The following MDN1 variants were observed in gnomAD, a reference collection of about 807,000 sequenced individuals.
MDN1 encodes midasin AAA ATPase 1, also known as midasin.
In MDN1, 266 loss-of-function variants were observed where a neutral mutation model predicts 669.2. The observed-to-expected ratio is 0.40, with a 90% CI of 0.36 to 0.44. MDN1 has a LOEUF of 0.44. Ranked by LOEUF, MDN1 falls within the 20% of genes least tolerant of loss-of-function variation. The pLI is 1.00. For missense variants in MDN1, 5,940 were observed against 6,754.0 expected, an observed-to-expected ratio of 0.88 and a Z score of 4.22; for synonymous variants, 2,385 against 2,457.1, an observed-to-expected ratio of 0.97 and a Z score of 0.87.
chr6:89,741,771 C>T (rs1036516841), intron 31 of MDN1, among the ~76,000 whole-genome samples: 3 of 152,126 alleles, frequency 2.0e-5, no homozygotes, highest in African/African-American at 7.2e-5. Context: ...TGATTTCAAC[C>T]CTGTCCCAAC....
At position 89,696,367 on chromosome 6, in the gene MDN1, C is replaced by A; in HGVS notation, c.9376G>T (p.Glu3126Ter). 1 of 1,614,006 alleles carries A rather than the reference C, an allele frequency of 6.2e-7. No homozygotes were observed. Among genetic ancestry groups the A allele is most frequent in the South Asian group, 1.1e-5 (1 of 91,028 alleles). ...WTNMAISSVA[E>*]FRRTDSQLQG... ...TCCAGGGCGAGGGAATACCTGAATT[C>A]TGCTACTGAAGAGATAGCCATGTTA... The change falls in exon 60 of 102, where the codon GAA becomes TAA. Residue 3126 changes from glutamate to a stop codon, truncating the protein, a stop_gained. Transcript: ENST00000369393. LOFTEE classifies it high-confidence loss of function.
intron 1 of MDN1, among the ~76,000 whole-genome samples, chr6:89,808,644 T>C (rs1768166615): frequency 6.6e-6 from 1 of 152,030 alleles, no homozygotes; most frequent in South Asian, 2.1e-4. Context: ...CCCAGCATAT[T>C]CCAACTACCG....
Position 89,772,772 on chromosome 6 carries a change from G to C in MDN1, c.1935-51C>G, listed in dbSNP as rs370322772. ...AAAACCACGCTGCAAGCTTCTCCTA[G>C]TTTTGCTCTGGGAAACCATATATTC... On this transcript the variant is annotated intron_variant, in intron 13 of 101. Coordinates refer to ENST00000369393, the MANE Select transcript of MDN1 (RefSeq NM_014611.3). 3.4e-5 allele frequency: 54 copies of C among 1,589,650 alleles called. No homozygotes were observed. In the African/African-American group the frequency reaches 6.9e-4, roughly 20 times the overall value.
chr6:89,651,988 T>G (rs1298072275), intron 95 of MDN1, among the ~76,000 whole-genome samples: 1 of 152,190 alleles, frequency 6.6e-6, no homozygotes, highest in East Asian at 1.9e-4. Flanking sequence ...CCAATTTCTG[T>G]TTTAATTAAG....
intron 84 of MDN1, among the ~76,000 whole-genome samples, chr6:89,665,983 T>C (rs1405747614): frequency 1.3e-5 from 2 of 152,102 alleles, no homozygotes; most frequent in Non-Finnish European, 2.9e-5. Context: ...GAGGTTGCAG[T>C]TGAGCCAAGA....
intron 91 of MDN1, 59 bp downstream of exon 91, chr6:89,656,641 T>G: frequency 7.8e-7 from 1 of 1,275,836 alleles, no homozygotes. Context: ...GCACTACGTT[T>G]GGAACATCTT....
chr6:89,742,555 A>G (rs753451363), intron 31 of MDN1, among the ~76,000 whole-genome samples: 1 of 152,194 alleles, frequency 6.6e-6, no homozygotes, highest in African/African-American at 2.4e-5. Context: ...AGTTCTATGC[A>G]TATAGCTTGC....
intron 92 of MDN1, among the ~76,000 whole-genome samples, chr6:89,654,800 C>T (rs1809132441): frequency 6.6e-6 from 1 of 152,140 alleles, no homozygotes; most frequent in African/African-American, 2.4e-5. Context: ...TTGACTTGAT[C>T]ATTAAACATT....
chr6:89,658,744 C>T lies in MDN1; in HGVS notation c.14887G>A (p.Asp4963Asn). 6.2e-7 allele frequency: 1 copy of T among 1,614,140 alleles called. No homozygotes were observed. The highest frequency in any genetic ancestry group is 1.1e-5 in the South Asian group (1 of 91,068). ...TGCTGAGCAGCATCTCCATCTTGGT[C>T]ATCAGCTCCTGTGTCCATTTCCTCT... ...GEEEMDTGADDQDGDAAQHPE... is the reference protein window; with the variant it reads ...GEEEMDTGADNQDGDAAQHPE... The change falls in exon 89 of 102, where the codon GAC (aspartate) becomes AAC (asparagine). Residue 4963 changes from aspartate to asparagine, a missense_variant. Asp to Asn is a conservative substitution (Grantham distance 23). Coordinates refer to ENST00000369393, the MANE Select transcript of MDN1 (RefSeq NM_014611.3).
Position 89,718,496 on chromosome 6 carries a change from A to G in MDN1, c.6453T>C (p.Leu2151=). ...EVVLRAWSHF[L]LTYKPKCLGE... ...CAAGACACTTAGGCTTATATGTCAGAAGAAAATGACTCCAGGCTCGCAGCA... is the reference window on the plus strand; with the variant it reads ...CAAGACACTTAGGCTTATATGTCAGGAGAAAATGACTCCAGGCTCGCAGCA... Residue 2151 remains leucine (L), a synonymous_variant, in exon 43 of 102, where the codon CTT becomes CTC. Coordinates refer to ENST00000369393, the MANE Select transcript of MDN1 (RefSeq NM_014611.3). 6.2e-7 allele frequency: 1 copy of G among 1,614,190 alleles called. No individual in the cohort carries two copies. Among genetic ancestry groups the G allele is most frequent in the Non-Finnish European group, 8.5e-7 (1 of 1,180,032 alleles).
intron 91 of MDN1, among the ~76,000 whole-genome samples, chr6:89,656,313 T>G (rs1809292922): frequency 6.6e-6 from 1 of 152,178 alleles, no homozygotes; most frequent in Non-Finnish European, 1.5e-5. Context: ...TTTAGGGGAT[T>G]GGTTTTTTAC....
intron 56 of MDN1, 79 bp from the exon 57 acceptor site, chr6:89,700,373 G>C: frequency 8.9e-7 from 1 of 1,129,424 alleles, no homozygotes; most frequent in Non-Finnish European, 1.3e-6. Flanking sequence ...CCTGCTATGT[G>C]ACTGCAAGCT....
rs562329526 is a variant in MDN1, at chr6:89,727,859, C to T, written c.5446G>A (p.Ala1816Thr). Reference sequence around the variant, plus strand: ...TCATCCAACACCACCCAATGGCCTGCCTTCAAAGCTGCCAGTAAGGGGCCA... The same window carrying T: ...TCATCCAACACCACCCAATGGCCTGTCTTCAAAGCTGCCAGTAAGGGGCCA... ...RDGPLLAALK[A>T]GHWVVLDELN... Residue 1816 changes from alanine to threonine, a missense_variant, in exon 37 of 102, where the codon GCA becomes ACA. Physicochemically the swap from Ala to Thr is moderately conservative, Grantham distance 58 (BLOSUM62 0). Around this residue, in one of 5 missense-constraint regions of MDN1, gnomAD observed 2,292 missense variants for 2,638.3 expected, o/e 0.87. Transcript: ENST00000369393. The T allele has an allele frequency of 1.2e-6, 2 of 1,614,032 alleles. No individual in the cohort carries two copies. The highest frequency in any genetic ancestry group is 1.7e-5 in the Admixed American group (1 of 59,998).
intron 9 of MDN1, 121 bp downstream of exon 9, chr6:89,784,891 C>A: frequency 3.1e-6 from 2 of 652,970 alleles, no homozygotes; most frequent in East Asian, 5.2e-5. Context: ...CAGTAAAATA[C>A]TAGCACACAG....
rs751545098 is a variant in MDN1 at position 89,642,963 on chromosome 6, A to AGAT, written c.*1039_*1041dup. 11 of 152,254 alleles carry AGAT rather than the reference A, an allele frequency of 7.2e-5. No individual in the cohort carries two copies. Among genetic ancestry groups the AGAT allele is most frequent in the Non-Finnish European group, 1.2e-4 (8 of 68,040 alleles). The allele number at this position is 152,254 out of a possible 1,614,324, so 9.4% of individuals were successfully genotyped here. A position where few individuals can be genotyped will look rare whatever the true frequency, so the allele number is the denominator to read the frequency against. ...CAGTGTAACTTGGAAACAGACAAGG[A>AGAT]GATAGATGATTACATCATGACATAC... On this transcript the variant is annotated 3_prime_UTR_variant, in exon 102 of 102. Transcript: ENST00000369393.
At chr6:89,731,810 C>CA (rs1815621238) in intron 34 of MDN1, among the ~76,000 whole-genome samples, 1 of 59,842 alleles carries the variant, frequency 1.7e-5, no homozygotes, top group African/African-American at 6.4e-5. Flanking sequence ...CCCCCCCCCC[C>CA]ACCTTTTCCT....
chr6:89,648,088 C>T lies in MDN1; in HGVS notation c.16339G>A (p.Gly5447Arg), dbSNP rs1353964158. Residue 5447 changes from glycine (G) to arginine (R), a missense_variant, in exon 99 of 102, where the codon GGG (glycine) becomes AGG (arginine). Gly to Arg is a moderately radical substitution (Grantham distance 125). Transcript: ENST00000369393. ...TTGCAGAGACGTAGAATCTGGGACCCAGAGTAATCACTGAACTGCTCATGA... is the reference window on the plus strand; with the variant it reads ...TTGCAGAGACGTAGAATCTGGGACCTAGAGTAATCACTGAACTGCTCATGA... ...PFHEQFSDYS[G>R]SQILRLCKFQ... 2 of 1,614,050 alleles carry T rather than the reference C, an allele frequency of 1.2e-6. No individual in the cohort carries two copies. The highest frequency in any genetic ancestry group is 1.7e-5 in the Admixed American group (1 of 60,006).
At position 89,674,151 on chromosome 6, in the gene MDN1, G is replaced by A. The variant is rs78107975; in HGVS notation, c.13200C>T (p.Asp4400=). The A allele has an allele frequency of 4.6e-3, 7,369 of 1,614,166 alleles. 208 individuals carry two copies. The Admixed American group carries it at 0.064, about 14-fold the overall frequency. Residue 4400 remains aspartate, a synonymous_variant, in exon 79 of 102, where the codon GAC becomes GAT. Coordinates refer to ENST00000369393, the MANE Select transcript of MDN1 (RefSeq NM_014611.3). ...AAGACTGCTGTCTAATTTTGTCGAC[G>A]TCAGCTTTCACTGTTTTAATGGTTT... ...MLKTIKTVKA[D]VDKIRQQSCE...
chr6:89,794,996 G>GA (rs901335307), intron 2 of MDN1, among the ~76,000 whole-genome samples, 195 bp from the exon 3 acceptor site: 152 of 152,204 alleles, frequency 1.0e-3, no homozygotes, highest in African/African-American at 3.5e-3. Flanking sequence ...CCACAAAACA[G>GA]AACTCCCAAG....
Sources: gnomAD v4.1 joint callset for allele counts (sites outside exome capture counted in the v4.1 genomes callset) on GRCh38, gnomAD v4.1.1 for gene constraint, gnomAD v4.1.1 regional missense constraint, MANE v1.5 for transcripts, NCBI Gene and HGNC (gene_info 2026-07-23, HGNC 2026-07-21) for gene names.